VPS13B: variants seen among roughly 807,000 people sequenced by gnomAD.
VPS13B encodes intermembrane lipid transfer protein VPS13B.
A neutral mutation model predicts 426.4 loss-of-function variants in VPS13B; 285 were observed. That is an observed-to-expected ratio of 0.67 (90% CI 0.61 to 0.74). The LOEUF (loss-of-function observed/expected upper bound fraction) is 0.74. Ranked by LOEUF, VPS13B falls within the 30% of genes least tolerant of loss-of-function variation. The pLI is 0.00. For synonymous variants in VPS13B, 1,676 were observed against 1,676.4 expected, an observed-to-expected ratio of 1.00 and a Z score of 0.01; for missense variants, 4,537 against 4,782.6, an observed-to-expected ratio of 0.95 and a Z score of 1.51.
Position 99,832,615 on chromosome 8 carries a change from C to A in VPS13B, c.9577C>A (p.Pro3193Thr). The change falls in exon 52 of 62, where the codon CCC becomes ACC. Residue 3193 changes from proline (P) to threonine (T), a missense_variant. By Grantham distance (38) the Pro-to-Thr change is conservative (BLOSUM62 -1). Coordinates refer to ENST00000357162, the MANE Select transcript of VPS13B (RefSeq NM_152564.5). Reference sequence around the variant, plus strand: ...GTTTCCCAGACAGAGTGTGGCAGTACCCCTCGGGAATTTCCGGGAAAATGG... The same window carrying A: ...GTTTCCCAGACAGAGTGTGGCAGTAACCCTCGGGAATTTCCGGGAAAATGG... ...PEFPRQSVAV[P>T]LGNFRENGFC... 6.2e-6 allele frequency: 10 copies of A among 1,613,820 alleles called. No individual in the cohort carries two copies. Among genetic ancestry groups the A allele is most frequent in the South Asian group, 2.2e-5 (2 of 91,064 alleles).
intron 23 of VPS13B, among the ~76,000 whole-genome samples, chr8:99,447,573 G>A (rs367549734): frequency 2.0e-5 from 3 of 152,066 alleles, no homozygotes; most frequent in Non-Finnish European, 1.5e-5. Flanking sequence ...GAAGTGCCTC[G>A]GGCATTTACT....
intron 39 of VPS13B, among the ~76,000 whole-genome samples, chr8:99,752,759 C>T (rs1810462800): frequency 6.6e-6 from 1 of 152,130 alleles, no homozygotes; most frequent in African/African-American, 2.4e-5. Context: ...TATTAAGAAC[C>T]TATTATCTAC....
At chr8:99,514,527 A>G (rs1270584924) in intron 29 of VPS13B, among the ~76,000 whole-genome samples, 1 of 152,176 alleles carries the variant, frequency 6.6e-6, no homozygotes, top group East Asian at 1.9e-4. Context: ...AAGTGGAATC[A>G]TACAATGTTT....
At chr8:99,305,256 C>A (rs1820574912) in intron 19 of VPS13B, among the ~76,000 whole-genome samples, 1 of 151,866 alleles carries the variant, frequency 6.6e-6, no homozygotes, top group African/African-American at 2.4e-5. Context: ...TGGGTTCAAC[C>A]AATGGTGGAT....
At chr8:99,385,882 T>C (rs1384531607) in intron 20 of VPS13B, among the ~76,000 whole-genome samples, 1 of 152,178 alleles carries the variant, frequency 6.6e-6, no homozygotes, top group Admixed American at 6.5e-5. Context: ...ACTTCAGTGA[T>C]TCCAGAATGG....
chr8:99,053,543 T>C (rs781177613), intron 3 of VPS13B, among the ~76,000 whole-genome samples: 2 of 152,206 alleles, frequency 1.3e-5, no homozygotes, highest in Admixed American at 6.5e-5. Flanking sequence ...TCTATGATTT[T>C]GAGTATTCTA....
At position 99,206,956 on chromosome 8, in the gene VPS13B, G is replaced by A. The variant is rs189859059; in HGVS notation, c.2515+13899G>A. On this transcript the variant is annotated intron_variant, in intron 17 of 61. Transcript: ENST00000357162. ...GCATTGGCTATACATTTATTCTTGC[G>A]TAAAAAAAAATGAATTGAGTTAGAT... Among the ~76,000 whole-genome samples, 71 of 151,640 alleles carry A rather than the reference G, an allele frequency of 4.7e-4. No homozygotes were observed. In the East Asian group the frequency reaches 5.0e-3, roughly 11 times the overall value.
intron 19 of VPS13B, among the ~76,000 whole-genome samples, chr8:99,331,948 G>A (rs1229779799): frequency 6.6e-6 from 1 of 151,720 alleles, no homozygotes; most frequent in Non-Finnish European, 1.5e-5. Context: ...ACACAGTACA[G>A]CATAAATTCT....
intron 17 of VPS13B, chr8:99,232,984 C>T: frequency 1.4e-6 from 1 of 731,850 alleles, no homozygotes. Context: ...TGTGTTTGGT[C>T]TCATTTTGTC....
intron 13 of VPS13B, 74 bp from the exon 14 acceptor site, chr8:99,147,767 T>G: frequency 2.0e-6 from 2 of 1,015,260 alleles, no homozygotes; most frequent in East Asian, 3.2e-5. Flanking sequence ...TTTGGAGAAC[T>G]AATTCATTTT....
chr8:99,841,221 C>G (rs375344589), intron 54 of VPS13B, among the ~76,000 whole-genome samples: 1 of 152,158 alleles, frequency 6.6e-6, no homozygotes, highest in Admixed American at 6.5e-5. Flanking sequence ...TCTTGGATAT[C>G]TAATTCACCT....
chr8:99,611,116 A>G lies in VPS13B; in HGVS notation c.5221-30695A>G, dbSNP rs1827830230. 2.6e-5 allele frequency among the ~76,000 whole-genome samples: 4 copies of G among 152,320 alleles called. No individual in the cohort carries two copies. The South Asian group carries it at 8.3e-4, about 32-fold the overall frequency. ...GAAATGAATTCATTTGAACAACTTA[A>G]AGAAATATTTTAAGAATGAGATGTG... is the stretch of plus-strand genomic sequence containing the variant. On this transcript the variant is annotated intron_variant, in intron 33 of 61. Transcript: ENST00000357162.
At chr8:99,483,911 A>G (rs1171572101) in intron 25 of VPS13B, among the ~76,000 whole-genome samples, 1 of 152,164 alleles carries the variant, frequency 6.6e-6, no homozygotes, top group Non-Finnish European at 1.5e-5. Context: ...TGCAGTGTAC[A>G]AACAACACAA....
At chr8:99,668,876 G>A (rs1305854383) in intron 35 of VPS13B, among the ~76,000 whole-genome samples, 1 of 152,094 alleles carries the variant, frequency 6.6e-6, no homozygotes, top group Non-Finnish European at 1.5e-5. Flanking sequence ...AAACCCTGCG[G>A]AACAGTCCAC....
intron 19 of VPS13B, among the ~76,000 whole-genome samples, chr8:99,381,905 T>A (rs1813833457): frequency 6.6e-6 from 1 of 152,198 alleles, no homozygotes; most frequent in Admixed American, 6.5e-5. Context: ...AATCTTTGCC[T>A]GTTCCTGTGT....
At chr8:99,205,948 G>A (rs1454245059) in intron 17 of VPS13B, among the ~76,000 whole-genome samples, 1 of 151,828 alleles carries the variant, frequency 6.6e-6, no homozygotes, top group Non-Finnish European at 1.5e-5. Context: ...AGCAAATATT[G>A]GAAATTTAAT....
chr8:99,501,655 C>CA, intron 25 of VPS13B, 32 bp from the exon 26 acceptor site: 1 of 1,608,164 alleles, frequency 6.2e-7, no homozygotes, highest in Non-Finnish European at 8.5e-7. Flanking sequence ...GTTTATGTTA[C>CA]AAAGTAAGAT....
intron 23 of VPS13B, among the ~76,000 whole-genome samples, chr8:99,445,962 A>G (rs924268368): frequency 2.2e-4 from 34 of 152,218 alleles, no homozygotes; most frequent in Non-Finnish European, 2.9e-5. Context: ...CTACCCAACC[A>G]TGCTTTATAG....
chr8:99,095,455 G>C, intron 3 of VPS13B, among the ~76,000 whole-genome samples: 1 of 152,044 alleles, frequency 6.6e-6, no homozygotes, highest in East Asian at 1.9e-4. Flanking sequence ...ATTTGATTTT[G>C]AATGGCCTGA....
Sources: allele counts gnomAD v4.1 joint callset (sites outside exome capture counted in the v4.1 genomes callset), GRCh38; gene constraint gnomAD v4.1.1; transcripts MANE v1.5; gene names NCBI Gene and HGNC (gene_info 2026-07-23, HGNC 2026-07-21).